Variants in MAPK10 observed in about 807,000 individuals in gnomAD.
MAPK10 encodes the protein mitogen-activated protein kinase 10.
In MAPK10, 25 loss-of-function variants were observed where a neutral mutation model predicts 59.3. The ratio of observed to expected loss-of-function variants is 0.42; its 90% CI spans 0.31 to 0.59. The LOEUF is 0.59. MAPK10 is among the 20% of genes least tolerant of loss of function. The probability of loss-of-function intolerance (pLI) is 0.15; values close to 1 mark genes in which losing one functional copy is unlikely to be tolerated. For synonymous variants in MAPK10, 190 were observed against 200.5 expected (o/e 0.95, Z 0.44); for missense variants, 351 against 568.9 (o/e 0.62, Z 3.90).
intron 1 of MAPK10, among the ~76,000 whole-genome samples, chr4:86,505,622 T>TA (rs1755686609): frequency 6.6e-6 from 1 of 152,158 alleles, no homozygotes; most frequent in African/African-American, 2.4e-5. Flanking sequence ...TTTATTCTCT[T>TA]AAATGTGAAC....
At position 86,351,001 on chromosome 4, in the gene MAPK10, T is replaced by C. The variant is rs17011815; in HGVS notation, c.-7+3529A>G. Among the ~76,000 whole-genome samples the C allele has an allele frequency of 1.0e-2, 1,517 of 152,278 alleles. 17 individuals are homozygous for C. Among genetic ancestry groups the C allele is most frequent in the African/African-American group, 0.035 (1,434 of 41,552 alleles). On this transcript the variant is annotated intron_variant, in intron 2 of 13. Coordinates refer to ENST00000641462, the MANE Select transcript of MAPK10 (RefSeq NM_138982.4). ...ATTTTTTTGCAGGCATCGTATCTAT[T>C]CTTAACCTGACACTTAGAAACATGT...
At chr4:86,196,920 T>C (rs964680681) in intron 2 of MAPK10, among the ~76,000 whole-genome samples, 3 of 152,186 alleles carry the variant, frequency 2.0e-5, no homozygotes, top group African/African-American at 7.2e-5. Context: ...TTGGTCTATA[T>C]ATTTGTTTTG....
intron 2 of MAPK10, among the ~76,000 whole-genome samples, chr4:86,316,044 C>G (rs1387921823): frequency 1.3e-5 from 2 of 152,136 alleles, no homozygotes; most frequent in Non-Finnish European, 2.9e-5. Flanking sequence ...AAGGACGTCA[C>G]TGCTAGAGTG....
intron 4 of MAPK10, among the ~76,000 whole-genome samples, chr4:86,129,507 CAT>C (rs2060640765): frequency 6.6e-6 from 1 of 152,130 alleles, no homozygotes; most frequent in East Asian, 1.9e-4. Context: ...AGTCTTCTCA[CAT>C]AACCTATTAA....
At chr4:86,194,297 A>C (rs1434308271) in intron 3 of MAPK10, 39 bp downstream of exon 3, 1 of 1,499,768 alleles carries the variant, frequency 6.7e-7, no homozygotes, top group East Asian at 2.3e-5. Flanking sequence ...AATACAAGGG[A>C]ATATACTGTA....
chr4:86,238,254 T>C (rs930771033), intron 2 of MAPK10, among the ~76,000 whole-genome samples: 9 of 152,328 alleles, frequency 5.9e-5, no homozygotes, highest in Admixed American at 3.9e-4. Context: ...TGTAGCCTTG[T>C]AGTATAGTTT....
At chr4:86,165,639 A>G (rs1285893204) in intron 3 of MAPK10, among the ~76,000 whole-genome samples, 1 of 139,728 alleles carries the variant, frequency 7.2e-6, no homozygotes, top group African/African-American at 2.7e-5. Flanking sequence ...GGCCTCAAAC[A>G]ATTCTCCCGC....
At chr4:86,441,559 A>G (rs1288869331) in intron 1 of MAPK10, among the ~76,000 whole-genome samples, 1 of 152,158 alleles carries the variant, frequency 6.6e-6, no homozygotes, top group Admixed American at 6.5e-5. Context: ...ACTGTGTAGA[A>G]TTCTTTTTGC....
In MAPK10 at chr4:86,145,387, T is replaced by G. The variant is rs1182153509; in HGVS notation, c.236+13911A>C. ...AAAAAAAAAAAAAAAAAAAAAAAAT[T>G]TCTATCTCTATTTGATGATTTTAGA... On this transcript the variant is annotated intron_variant, in intron 4 of 13. Coordinates refer to ENST00000641462, the MANE Select transcript of MAPK10 (RefSeq NM_138982.4). Among the ~76,000 whole-genome samples the G allele has an allele frequency of 1.3e-5, 2 of 150,838 alleles. 1 individual carries two copies. Among genetic ancestry groups the G allele is most frequent in the Non-Finnish European group, 3.0e-5 (2 of 67,432 alleles).
At chr4:86,107,118 G>T in intron 5 of MAPK10, 105 bp downstream of exon 5, 1 of 828,792 alleles carries the variant, frequency 1.2e-6, no homozygotes, top group South Asian at 1.8e-5. Flanking sequence ...TAAGAGGCAG[G>T]AATTGCAAAG....
Position 86,491,983 on chromosome 4 carries a change from T to C in MAPK10, c.-263+101927A>G, listed in dbSNP as rs967935189. Among the ~76,000 whole-genome samples, 6 of 152,232 alleles carry C rather than the reference T, an allele frequency of 3.9e-5. No homozygotes were observed. The East Asian group carries it at 9.6e-4, about 24-fold the overall frequency. On this transcript the variant is annotated intron_variant, in intron 1 of 4. Coordinates refer to the MAPK10 transcript ENST00000502302. ...TAACAACAAAAAGAAAAAAATGATA[T>C]AGTCCCAATGAATAGGTTACTTCAT...
chr4:86,134,297 G>A (rs1006445258), intron 4 of MAPK10, among the ~76,000 whole-genome samples: 2 of 152,018 alleles, frequency 1.3e-5, no homozygotes, highest in African/African-American at 4.8e-5. Context: ...CCCTTCCTAT[G>A]TATATTTTCA....
At chr4:86,314,012 A>G (rs2095723180) in intron 2 of MAPK10, among the ~76,000 whole-genome samples, 1 of 108,098 alleles carries the variant, frequency 9.3e-6, no homozygotes, top group African/African-American at 2.9e-5. Flanking sequence ...GCAAAAGATC[A>G]GACTACAGCC....
At chr4:86,250,423 T>A (rs1054616841) in intron 2 of MAPK10, among the ~76,000 whole-genome samples, 8 of 152,178 alleles carry the variant, frequency 5.3e-5, no homozygotes, top group African/African-American at 1.4e-4. Context: ...CAATTCTACA[T>A]CCTCAAATTA....
chr4:86,388,014 TA>T (rs1468650682), intron 1 of MAPK10, among the ~76,000 whole-genome samples: 3 of 149,360 alleles, frequency 2.0e-5, no homozygotes, highest in African/African-American at 7.3e-5. Flanking sequence ...AAATATATAA[TA>T]AAAATATAAA....
chr4:86,134,461 G>A (rs767208394), intron 4 of MAPK10, among the ~76,000 whole-genome samples: 18 of 152,140 alleles, frequency 1.2e-4, no homozygotes, highest in Non-Finnish European at 2.6e-4. Flanking sequence ...CTGCATTAAA[G>A]TCTCCACCCC....
intron 1 of MAPK10, among the ~76,000 whole-genome samples, chr4:86,536,130 C>A (rs1253281936): frequency 1.3e-5 from 2 of 152,152 alleles, no homozygotes; most frequent in African/African-American, 2.4e-5. Context: ...CTCAAGGCAA[C>A]AACTATCTAA....
intron 2 of MAPK10, among the ~76,000 whole-genome samples, chr4:86,319,543 C>T (rs192848103): frequency 9.9e-5 from 15 of 152,268 alleles, no homozygotes; most frequent in Admixed American, 6.5e-4. Flanking sequence ...TTAGCCACTT[C>T]CTTTCACTCA....
intron 13 of MAPK10, among the ~76,000 whole-genome samples, chr4:86,019,330 C>T (rs149574436): frequency 1.3e-5 from 2 of 152,050 alleles, no homozygotes; most frequent in Admixed American, 1.3e-4. Context: ...CTAAAAATAC[C>T]CATCCTTTCT....
Sources: allele counts gnomAD v4.1 joint callset (sites outside exome capture counted in the v4.1 genomes callset), GRCh38; gene constraint gnomAD v4.1.1; transcripts MANE v1.5; gene names NCBI Gene and HGNC (gene_info 2026-07-23, HGNC 2026-07-21).